The following FAM178B variants were observed in gnomAD, a reference collection of about 807,000 sequenced individuals.
FAM178B encodes the protein family with sequence similarity 178 member B, also known as protein FAM178B.
In FAM178B, 82 loss-of-function variants were observed where a neutral mutation model predicts 91.7. That is an observed-to-expected ratio of 0.89 (90% CI 0.75 to 1.07). The LOEUF is 1.07. Ranked by LOEUF, FAM178B falls within the 50% of genes least tolerant of loss-of-function variation. The pLI, the probability that FAM178B is intolerant of heterozygous loss-of-function variation, is 0.00. For synonymous variants in FAM178B, 368 were observed against 359.4 expected (o/e 1.02, Z -0.27); for missense variants, 769 against 846.7 (o/e 0.91, Z 1.14).
rs530518354 is a variant in FAM178B at position 96,877,466 on chromosome 2, G to A, written c.2007+424C>T. On this transcript the variant is annotated intron_variant, in intron 16 of 16. Transcript: ENST00000490605. ...CGCCCAGGCTGGCGTGCAATGGCAC[G>A]ATCTGGGCTTACTGCAACCTCCGCC... 2.0e-4 allele frequency among the ~76,000 whole-genome samples: 30 copies of A among 150,122 alleles called. No individual in the cohort carries two copies. In the South Asian group the frequency reaches 3.4e-3, roughly 17 times the overall value.
At chr2:96,905,860 A>ATTTT (rs1161397180) in intron 12 of FAM178B, among the ~76,000 whole-genome samples, 4 of 23,272 alleles carry the variant, frequency 1.7e-4, no homozygotes, top group African/African-American at 6.7e-4. Context: ...ATATATATAT[A>ATTTT]TTTTTTTTTT....
At chr2:96,973,797 C>G (rs1250450197) in intron 1 of FAM178B, among the ~76,000 whole-genome samples, 1 of 151,350 alleles carries the variant, frequency 6.6e-6, no homozygotes, top group East Asian at 2.0e-4. Flanking sequence ...GGTCAGAGTT[C>G]GAGACCAGCC....
intron 12 of FAM178B, among the ~76,000 whole-genome samples, chr2:96,917,008 C>T (rs1033855148): frequency 6.6e-6 from 1 of 152,070 alleles, no homozygotes; most frequent in African/African-American, 2.4e-5. Context: ...GTGAGTACAA[C>T]GCGGCAGGAA....
At chr2:96,953,412 C>T (rs571836196) in intron 6 of FAM178B, among the ~76,000 whole-genome samples, 1 of 152,342 alleles carries the variant, frequency 6.6e-6, no homozygotes, top group Admixed American at 6.5e-5. Flanking sequence ...CTGGCTCTGG[C>T]ATTCTGCTGG....
At chr2:96,929,184 G>A (rs771785447) in intron 9 of FAM178B, 22 bp downstream of exon 9, 2 of 1,466,992 alleles carry the variant, frequency 1.4e-6, no homozygotes, top group South Asian at 2.4e-5. Context: ...GAAAAAGGCA[G>A]TGAGGAAGCA....
chr2:96,967,792 G>A (rs977043236), intron 4 of FAM178B, among the ~76,000 whole-genome samples, 165 bp from the exon 5 acceptor site: 10 of 152,280 alleles, frequency 6.6e-5, no homozygotes, highest in African/African-American at 2.4e-4. Flanking sequence ...AGGCAATGGG[G>A]ACGGGTTGCA....
At chr2:96,925,289 G>T (rs973368304) in intron 9 of FAM178B, among the ~76,000 whole-genome samples, 9 of 152,176 alleles carry the variant, frequency 5.9e-5, no homozygotes, top group Non-Finnish European at 1.5e-5. Flanking sequence ...TGTTTTTTGA[G>T]CTGCAGAGAG....
intron 6 of FAM178B, among the ~76,000 whole-genome samples, chr2:96,959,199 G>GAAAAAAAAAAAAAA (rs57498168): frequency 1.7e-4 from 14 of 82,134 alleles, no homozygotes; most frequent in East Asian, 7.8e-4. Flanking sequence ...ACTCAGTTTT[G>GAAAAAAAAAAAAAA]AAAAAAAAAA....
intron 8 of FAM178B, among the ~76,000 whole-genome samples, chr2:96,945,786 G>A (rs2081817315): frequency 6.6e-6 from 1 of 152,048 alleles, no homozygotes; most frequent in Admixed American, 6.5e-5. Flanking sequence ...ATTCTCTCTG[G>A]GCACCTGGCC....
At chr2:96,908,728 T>C (rs538040964) in intron 12 of FAM178B, among the ~76,000 whole-genome samples, 20 of 152,332 alleles carry the variant, frequency 1.3e-4, no homozygotes, top group African/African-American at 4.1e-4. Flanking sequence ...CCACCTATGA[T>C]ATGGGTCCTT....
chr2:96,908,763 T>G (rs1336499458), intron 12 of FAM178B, among the ~76,000 whole-genome samples: 1 of 151,210 alleles, frequency 6.6e-6, no homozygotes, highest in East Asian at 1.9e-4. Context: ...TATAAGTAAA[T>G]TAAAAGGTAC....
At chr2:96,887,112 G>C (rs903742260) in intron 14 of FAM178B, among the ~76,000 whole-genome samples, 2 of 152,160 alleles carry the variant, frequency 1.3e-5, no homozygotes, top group African/African-American at 4.8e-5. Flanking sequence ...CTACTCGGGA[G>C]GTTGAGGCAG....
In FAM178B at chr2:96,976,186, C is replaced by T. The variant is rs544944724; in HGVS notation, c.74-3580G>A. The stretch of plus-strand genomic sequence containing the variant: ...CTTGGCTCACTGCAACCTCCTCCTC[C>T]CAGGTTCAAGCGATTCTCCTGCCTC... On this transcript the variant is annotated intron_variant, in intron 1 of 16. Transcript: ENST00000490605. Among the ~76,000 whole-genome samples the T allele has an allele frequency of 2.2e-4, 33 of 151,992 alleles. 2 individuals carry two copies. The East Asian group carries it at 6.0e-3, about 28-fold the overall frequency.
At chr2:96,893,637 C>T (rs1559055062) in intron 14 of FAM178B, among the ~76,000 whole-genome samples, 3 of 152,048 alleles carry the variant, frequency 2.0e-5, no homozygotes, top group African/African-American at 7.2e-5. Flanking sequence ...AGGCTGACAA[C>T]CCCAGATCAA....
At chr2:96,908,300 C>T (rs1288701769) in intron 12 of FAM178B, among the ~76,000 whole-genome samples, 1 of 152,228 alleles carries the variant, frequency 6.6e-6, no homozygotes, top group Non-Finnish European at 1.5e-5. Context: ...TATATATAAC[C>T]ACGCACATTG....
At position 96,986,370 on chromosome 2, in the gene FAM178B, T is replaced by A. The variant is rs2082424441; in HGVS notation, c.-57A>T. The A allele has an allele frequency of 6.6e-7, 1 of 1,519,038 alleles. No individual in the cohort carries two copies. 94.1% of individuals were successfully genotyped at this position (1,519,038 alleles called of 1,614,324 possible). On this transcript the variant is annotated 5_prime_UTR_variant, in exon 1 of 17. Coordinates refer to ENST00000490605, the MANE Select transcript of FAM178B (RefSeq NM_001122646.3). ...GAGGGTGGCGGGAATTCGCACGGCC[T>A]CAGAGGACGGGGCCAGCTAGCCGGG...
chr2:96,901,831 TTAAA>T (rs1223166688), intron 13 of FAM178B, among the ~76,000 whole-genome samples: 4 of 152,166 alleles, frequency 2.6e-5, no homozygotes, highest in Non-Finnish European at 4.4e-5. Flanking sequence ...TACAAAAAAA[TTAAA>T]TAAATGAATT....
At position 96,960,268 on chromosome 2, in the gene FAM178B, C is replaced by T. The variant is rs1165461125; in HGVS notation, c.887+20G>A. 24 of 1,551,224 alleles carry T rather than the reference C, an allele frequency of 1.5e-5. No homozygotes were observed. The highest frequency in any genetic ancestry group is 2.0e-5 in the Admixed American group (1 of 50,968). ...CTGGACAGGCTGCGCCACCCCCTCA[C>T]CCCTCCTCCCCACACTTACCTGAGG... is the stretch of plus-strand genomic sequence containing the variant. On this transcript the variant is annotated intron_variant, in intron 6 of 16. Coordinates refer to ENST00000490605, the MANE Select transcript of FAM178B (RefSeq NM_001122646.3).
intron 6 of FAM178B, among the ~76,000 whole-genome samples, chr2:96,955,021 G>C (rs2081979271): frequency 6.6e-6 from 1 of 152,192 alleles, no homozygotes; most frequent in Non-Finnish European, 1.5e-5. Context: ...CTGCACTCCA[G>C]CATGGGCAGC....
Sources: gnomAD v4.1 joint callset for allele counts (sites outside exome capture counted in the v4.1 genomes callset) on GRCh38, gnomAD v4.1.1 for gene constraint, MANE v1.5 for transcripts, NCBI Gene and HGNC (gene_info 2026-07-23, HGNC 2026-07-21) for gene names.